CEP112: variants seen among roughly 807,000 people sequenced by gnomAD.
CEP112 encodes centrosomal protein 112.
A neutral mutation model predicts 153.0 loss-of-function variants in CEP112; 127 were observed. The ratio of observed to expected loss-of-function variants is 0.83; its 90% CI spans 0.72 to 0.96. The LOEUF (loss-of-function observed/expected upper bound fraction) is 0.96. Ranked by LOEUF, CEP112 falls within the 40% of genes least tolerant of loss-of-function variation. The probability of loss-of-function intolerance (pLI) is 0.00; values close to 1 mark genes in which losing one functional copy is unlikely to be tolerated. For synonymous variants in CEP112, 358 were observed against 374.4 expected (o/e 0.96, Z 0.51); for missense variants, 1,089 against 1,101.2 (o/e 0.99, Z 0.16).
intron 8 of CEP112, among the ~76,000 whole-genome samples, chr17:66,080,592 A>T (rs1048374408): frequency 1.3e-5 from 2 of 152,218 alleles, no homozygotes; most frequent in Non-Finnish European, 2.9e-5. Flanking sequence ...ACCATTATGG[A>T]AGACAGTGTG....
Position 65,743,078 on chromosome 17 carries a change from T to C in CEP112, c.2597A>G (p.Gln866Arg), listed in dbSNP as rs769909926. The change falls in exon 23 of 27, where the codon CAA becomes CGA. Residue 866 changes from glutamine to arginine, a missense_variant. Coordinates refer to ENST00000535342, the MANE Select transcript of CEP112 (RefSeq NM_001199165.4). ...EKKQLIRDNDQAIKVLQDELE... is the reference protein window; with the variant it reads ...EKKQLIRDNDRAIKVLQDELE... ...AAGTCTTCAGATTACCTTGATTGCT[T>C]GGTCATTATCTCTAATCAGCTGCTT... 2 of 1,607,942 alleles carry C rather than the reference T, an allele frequency of 1.2e-6. No individual in the cohort carries two copies. Among genetic ancestry groups the C allele is most frequent in the Non-Finnish European group, 1.7e-6 (2 of 1,177,832 alleles).
intron 8 of CEP112, among the ~76,000 whole-genome samples, chr17:66,082,635 T>C (rs1453590019): frequency 6.6e-6 from 1 of 151,952 alleles, no homozygotes; most frequent in Non-Finnish European, 1.5e-5. Flanking sequence ...TCATGGCGTG[T>C]GCCTGTAATC....
At chr17:65,957,727 G>C (rs960331387) in intron 18 of CEP112, among the ~76,000 whole-genome samples, 1 of 151,800 alleles carries the variant, frequency 6.6e-6, no homozygotes, top group African/African-American at 2.4e-5. Flanking sequence ...TTGTATTTCT[G>C]CTTCTGTTCC....
At chr17:65,693,016 T>G (rs1264786478) in intron 23 of CEP112, among the ~76,000 whole-genome samples, 2 of 152,242 alleles carry the variant, frequency 1.3e-5, no homozygotes, top group Non-Finnish European at 2.9e-5. Context: ...TGTCTATATC[T>G]ATCTCTGAAC....
rs1225820826 is a variant in CEP112 at position 65,722,698 on chromosome 17, G to A, written c.2607+20370C>T. Reference sequence around the variant, plus strand: ...TACTCTGCTTATTAAGCTTTGTTAAGAACAGAAGAAGAACGGATGAGAGAG... The same window carrying A: ...TACTCTGCTTATTAAGCTTTGTTAAAAACAGAAGAAGAACGGATGAGAGAG... On this transcript the variant is annotated intron_variant, in intron 23 of 26. Coordinates refer to ENST00000535342, the MANE Select transcript of CEP112 (RefSeq NM_001199165.4). 3.3e-5 allele frequency among the ~76,000 whole-genome samples: 5 copies of A among 152,328 alleles called. No individual in the cohort carries two copies. In the South Asian group the frequency reaches 6.2e-4, roughly 19 times the overall value.
intron 4 of CEP112, among the ~76,000 whole-genome samples, chr17:66,171,243 C>T (rs1196811980): frequency 6.6e-6 from 1 of 152,050 alleles, no homozygotes; most frequent in Non-Finnish European, 1.5e-5. Context: ...ATTAGAAATA[C>T]TTCACATACA....
intron 19 of CEP112, among the ~76,000 whole-genome samples, chr17:65,923,391 T>C (rs1415850967): frequency 1.3e-5 from 2 of 152,082 alleles, no homozygotes; most frequent in Non-Finnish European, 2.9e-5. Context: ...TTACAGAATA[T>C]AATATAGACC....
chr17:65,637,407 G>C (rs2044830203), intron 25 of CEP112, among the ~76,000 whole-genome samples: 1 of 152,200 alleles, frequency 6.6e-6, no homozygotes, highest in Non-Finnish European at 1.5e-5. Context: ...CCTCATTGCA[G>C]AGCCATTTTG....
At chr17:66,142,415 A>C (rs2070740477) in intron 4 of CEP112, among the ~76,000 whole-genome samples, 1 of 152,180 alleles carries the variant, frequency 6.6e-6, no homozygotes, top group African/African-American at 2.4e-5. Context: ...ATATCTAAGA[A>C]ATTACTGCCT....
chr17:65,742,740 G>T (rs1273416128), intron 23 of CEP112, among the ~76,000 whole-genome samples: 1 of 147,856 alleles, frequency 6.8e-6, no homozygotes, highest in Admixed American at 6.6e-5. Context: ...ACAGCCAGCA[G>T]TGCTGGGCTC....
At chr17:65,924,537 CAT>C (rs1462801390) in intron 19 of CEP112, among the ~76,000 whole-genome samples, 3 of 152,058 alleles carry the variant, frequency 2.0e-5, no homozygotes, top group Non-Finnish European at 4.4e-5. Flanking sequence ...TACATGCACA[CAT>C]GATTTTTAAA....
At chr17:65,943,934 T>A (rs932945351) in intron 18 of CEP112, among the ~76,000 whole-genome samples, 2 of 152,204 alleles carry the variant, frequency 1.3e-5, no homozygotes, top group African/African-American at 4.8e-5. Flanking sequence ...TCTCTAATCT[T>A]TTCTGCCTGT....
At chr17:66,121,781 G>A (rs1359658628) in intron 6 of CEP112, among the ~76,000 whole-genome samples, 1 of 151,624 alleles carries the variant, frequency 6.6e-6, no homozygotes, top group Non-Finnish European at 1.5e-5. Context: ...CTGAGGAGCT[G>A]GAACTATAGG....
In CEP112 at chr17:65,833,897, A is replaced by G. The variant is rs565818868; in HGVS notation, c.2394+17907T>C. ...AAACAGAGCCTGAATACCCCAAGCA[A>G]TCCAAAGTAAAGAGAACAAAGCTGG... On this transcript the variant is annotated intron_variant, in intron 21 of 26. Coordinates refer to ENST00000535342, the MANE Select transcript of CEP112 (RefSeq NM_001199165.4). 4.6e-5 allele frequency among the ~76,000 whole-genome samples: 7 copies of G among 152,332 alleles called. No individual in the cohort carries two copies. In the South Asian group the frequency reaches 1.5e-3, roughly 32 times the overall value.
intron 11 of CEP112, among the ~76,000 whole-genome samples, chr17:66,057,798 G>A (rs115865848): frequency 3.9e-5 from 5 of 129,574 alleles, no homozygotes; most frequent in African/African-American, 1.6e-4. Flanking sequence ...CACACACACA[G>A]CCTTCAGTGA....
intron 20 of CEP112, among the ~76,000 whole-genome samples, chr17:65,852,462 TTTCC>T (rs1179111106): frequency 1.5e-4 from 7 of 47,234 alleles, no homozygotes; most frequent in African/African-American, 3.4e-4. Context: ...CCTCCCTCCC[TTTCC>T]TTCCTTCCTT....
rs145382726 is a variant in CEP112, at chr17:65,743,075, G to T, written c.2600C>A (p.Ala867Glu). The change falls in exon 23 of 27, where the codon GCA becomes GAA. Residue 867 changes from alanine to glutamate, a missense_variant. Transcript: ENST00000535342. ...KKQLIRDNDQ[A>E]IKVLQDELEN... ...CTGAAGTCTTCAGATTACCTTGATT[G>T]CTTGGTCATTATCTCTAATCAGCTG... 25 of 1,607,054 alleles carry T rather than the reference G, an allele frequency of 1.6e-5. No homozygotes were observed. Among genetic ancestry groups the T allele is most frequent in the Non-Finnish European group, 2.0e-5 (24 of 1,177,476 alleles).
chr17:66,069,031 T>C (rs1438131046), intron 9 of CEP112, among the ~76,000 whole-genome samples: 1 of 151,770 alleles, frequency 6.6e-6, no homozygotes, highest in African/African-American at 2.4e-5. Context: ...ATCCAGTCAG[T>C]GGTTTCCTCC....
chr17:66,101,057 G>A (rs1031088832), intron 6 of CEP112, among the ~76,000 whole-genome samples: 4 of 152,000 alleles, frequency 2.6e-5, no homozygotes, highest in South Asian at 4.1e-4. Context: ...AATAAAATCC[G>A]ATGTGATATG....
Sources: allele counts gnomAD v4.1 joint callset (sites outside exome capture counted in the v4.1 genomes callset), GRCh38; gene constraint gnomAD v4.1.1; transcripts MANE v1.5; gene names NCBI Gene and HGNC (gene_info 2026-07-23, HGNC 2026-07-21).